The following PHKA1 variants were observed in gnomAD, a reference collection of about 807,000 sequenced individuals.
PHKA1 encodes phosphorylase b kinase regulatory subunit alpha, skeletal muscle isoform.
Under a neutral mutation model 110.2 loss-of-function variants are expected in PHKA1, and 60 were observed. The ratio of observed to expected loss-of-function variants is 0.54; its 90% confidence interval spans 0.44 to 0.68. The LOEUF is 0.68. Ranked by LOEUF, PHKA1 falls within the 30% of genes least tolerant of loss-of-function variation. PHKA1 has a pLI of 0.00. For missense variants in PHKA1, 801 were observed against 942.5 expected, an observed-to-expected ratio of 0.85 and a Z score of 1.97; for synonymous variants, 316 against 333.6, an observed-to-expected ratio of 0.95 and a Z score of 0.58.
Position 72,584,564 on chromosome X carries a change from C to T in PHKA1, c.3244-262G>A, listed in dbSNP as rs781800010. ...GGGAAATGGAATGAGTAGGAAAGCT[C>T]TATCTTTTGGGATAGACTAGTCCCA... On this transcript the variant is annotated intron_variant, in intron 29 of 31. Coordinates refer to ENST00000373542, the MANE Select transcript of PHKA1 (RefSeq NM_002637.4). 1.3e-3 allele frequency among the ~76,000 whole-genome samples: 144 copies of T among 111,220 alleles called. 1 individual carries two copies. Among genetic ancestry groups the T allele is most frequent in the Non-Finnish European group, 7.7e-4 (41 of 53,048 alleles).
At chrX:72,696,119 T>C (rs2147826347) in intron 3 of PHKA1, among the ~76,000 whole-genome samples, 1 of 111,984 alleles carries the variant, frequency 8.9e-6, no homozygotes, top group African/African-American at 3.2e-5. Context: ...CAAAAACAGC[T>C]CTTTCCTATT....
intron 8 of PHKA1, among the ~76,000 whole-genome samples, chrX:72,664,190 C>T (rs781809893): frequency 9.0e-6 from 1 of 111,012 alleles, no homozygotes; most frequent in Admixed American, 9.6e-5. Context: ...AAGAAAGTCA[C>T]TTCACCTGTA....
intron 19 of PHKA1, among the ~76,000 whole-genome samples, 164 bp downstream of exon 19, chrX:72,620,561 A>C (rs1001987699): frequency 8.9e-6 from 1 of 112,007 alleles, no homozygotes; most frequent in African/African-American, 3.2e-5. Flanking sequence ...CACTCATTTT[A>C]CAAATATTTG....
chrX:72,581,276 C>T, intron 31 of PHKA1, 101 bp from the exon 32 acceptor site: 1 of 567,644 alleles, frequency 1.8e-6, no homozygotes, highest in South Asian at 2.4e-5. Context: ...TCCTCCCCAA[C>T]ACCAATTAGT....
At chrX:72,701,315 C>T (rs781985209) in intron 3 of PHKA1, among the ~76,000 whole-genome samples, 3 of 111,945 alleles carry the variant, frequency 2.7e-5, no homozygotes, top group Non-Finnish European at 5.6e-5. Context: ...TGTCACTTTC[C>T]GACAGGCACA....
chrX:72,656,092 G>A (rs1556301266), intron 10 of PHKA1, 28 bp downstream of exon 10: 1 of 1,206,025 alleles, frequency 8.3e-7, no homozygotes, highest in South Asian at 1.8e-5. Context: ...AAAACATTCT[G>A]CTGAAAACTC....
rs782344973 is a variant in PHKA1 at position 72,601,995 on chromosome X, C to T, written c.3068G>A (p.Ser1023Asn). The change falls in exon 28 of 32, where the codon AGT (serine) becomes AAT (asparagine). Residue 1023 changes from serine (S) to asparagine (N), a missense_variant. This residue lies in a region of PHKA1 where 502 missense variants were observed against 519.2 expected (regional missense o/e 0.97). Transcript: ENST00000373542. ...AATGATCCCTAGTTGTTTCACCTGA[C>T]TCTCAGCTGAGATTGACAGTCTACG... is the stretch of plus-strand genomic sequence containing the variant. The part of the protein sequence containing the change: ...EFRRLSISAE[S>N]QSPGTSMTPS... The T allele has an allele frequency of 8.4e-5, 100 of 1,194,841 alleles. 4 individuals carry two copies. Among genetic ancestry groups the T allele is most frequent in the Non-Finnish European group, 2.3e-6 (2 of 882,644 alleles).
chrX:72,697,553 T>G (rs1413353748), intron 3 of PHKA1, among the ~76,000 whole-genome samples: 1 of 109,441 alleles, frequency 9.1e-6, no homozygotes, highest in Non-Finnish European at 1.9e-5. Context: ...GACCTTGTCT[T>G]TTTTTTGAGC....
chrX:72,697,996 AT>A (rs201394893), intron 3 of PHKA1, among the ~76,000 whole-genome samples: 3 of 109,009 alleles, frequency 2.8e-5, no homozygotes, highest in Non-Finnish European at 3.8e-5. Context: ...AAAAAAAAAA[AT>A]TTTTTTTAAG....
At chrX:72,678,524 T>C (rs1176875014) in intron 5 of PHKA1, among the ~76,000 whole-genome samples, 2 of 111,917 alleles carry the variant, frequency 1.8e-5, no homozygotes, top group Admixed American at 9.5e-5. Flanking sequence ...GAAATATCAA[T>C]AATTCTACTG....
At chrX:72,629,304 T>C (rs1016410168) in intron 16 of PHKA1, among the ~76,000 whole-genome samples, 1 of 111,974 alleles carries the variant, frequency 8.9e-6, no homozygotes, top group African/African-American at 3.2e-5. Flanking sequence ...GTTTTTCTCA[T>C]ACACTTTTAT....
chrX:72,707,630 C>CGTGTGTGTGTGTGT lies in PHKA1; in HGVS notation c.238-2399_238-2386dup, dbSNP rs61504690. On this transcript the variant is annotated intron_variant, in intron 2 of 31. Transcript: ENST00000373542. ...ACTCTCAAAAGGCTTATCAAAAAAT[C>CGTGTGTGTGTGTGT]GTGTGTGTGTGTGTGTGTGTGTGTG... 3.1e-4 allele frequency among the ~76,000 whole-genome samples: 29 copies of CGTGTGTGTGTGTGT among 93,660 alleles called. 1 individual carries two copies. Among genetic ancestry groups the CGTGTGTGTGTGTGT allele is most frequent in the African/African-American group, 1.1e-3 (29 of 25,759 alleles). The allele number at this position is 93,660 out of a possible 115,157, so 81.3% of individuals were successfully genotyped here.
At chrX:72,685,937 CAGCTATGT>C (rs1204712776) in intron 4 of PHKA1, among the ~76,000 whole-genome samples, 1 of 111,575 alleles carries the variant, frequency 9.0e-6, no homozygotes, top group Non-Finnish European at 1.9e-5. Flanking sequence ...GTACATGTGC[CAGCTATGT>C]AGTTGTGTTA....
intron 28 of PHKA1, chrX:72,599,919 C>T (rs1436241782): frequency 6.0e-6 from 3 of 504,169 alleles, no homozygotes. Context: ...GGCCAGGAAA[C>T]AATTATTTGT....
Position 72,712,884 on chromosome X carries a change from G to T in PHKA1, c.132C>A (p.Val44=), listed in dbSNP as rs782037741. Residue 44 remains valine (V), a synonymous_variant, in exon 2 of 32, where the codon GTC becomes GTA. Coordinates refer to ENST00000373542, the MANE Select transcript of PHKA1 (RefSeq NM_002637.4). ...PASYDQKDAW[V]RDNVYSILAV... ...CCAAGATGCTGTACACATTATCTCG[G>T]ACCCAAGCATCTTTCTGATCATAGC... 2.5e-6 allele frequency: 3 copies of T among 1,211,231 alleles called. No homozygotes were observed. In the South Asian group the frequency reaches 5.3e-5, roughly 21 times the overall value.
chrX:72,657,201 G>A (rs2053506612), intron 9 of PHKA1, among the ~76,000 whole-genome samples: 2 of 112,070 alleles, frequency 1.8e-5, no homozygotes, highest in South Asian at 7.4e-4. Flanking sequence ...TGGAATGTGG[G>A]GCCAGAAAGA....
chrX:72,660,162 C>T (rs1556303410), intron 8 of PHKA1, among the ~76,000 whole-genome samples: 1 of 111,625 alleles, frequency 9.0e-6, no homozygotes, highest in Non-Finnish European at 1.9e-5. Context: ...CTTGACACAC[C>T]CTGGTTGATT....
chrX:72,649,991 C>CAAA (rs202212585), intron 13 of PHKA1, among the ~76,000 whole-genome samples: 2 of 71,580 alleles, frequency 2.8e-5, no homozygotes, highest in African/African-American at 1.0e-4. Flanking sequence ...GACTCCCTCT[C>CAAA]AAAAAAAAAA....
intron 2 of PHKA1, among the ~76,000 whole-genome samples, chrX:72,710,637 TC>T (rs1556334181): frequency 9.0e-6 from 1 of 111,428 alleles, no homozygotes; most frequent in East Asian, 2.8e-4. Context: ...TCCCACAAAA[TC>T]TTTTCTTTTT....
Sources: gnomAD v4.1 joint callset for allele counts (sites outside exome capture counted in the v4.1 genomes callset) on GRCh38, gnomAD v4.1.1 for gene constraint, gnomAD v4.1.1 regional missense constraint, MANE v1.5 for transcripts, NCBI Gene and HGNC (gene_info 2026-07-23, HGNC 2026-07-21) for gene names.